Variants in WDR26 observed in about 807,000 individuals in gnomAD.
WDR26 encodes WD repeat-containing protein 26.
In WDR26, 5 loss-of-function variants were observed where a neutral mutation model predicts 84.1. The ratio of observed to expected loss-of-function variants is 0.06; its 90% CI spans 0.03 to 0.13. The LOEUF is 0.13. Ranked by LOEUF, WDR26 falls within the 10% of genes least tolerant of loss-of-function variation. WDR26 has a pLI of 1.00. For missense variants in WDR26, 642 were observed against 974.9 expected (o/e 0.66, Z 4.55); for synonymous variants, 415 against 389.6 (o/e 1.07, Z -0.77).
intron 8 of WDR26, among the ~76,000 whole-genome samples, chr1:224,401,691 A>G (rs201981892): frequency 2.2e-5 from 2 of 90,692 alleles, no homozygotes; most frequent in East Asian, 2.4e-4. Flanking sequence ...AAAAAAAAAG[A>G]AAAAAAAAAA....
chr1:224,433,960 G>A lies in WDR26; in HGVS notation c.446C>T (p.Ser149Phe), dbSNP rs1674504700. ...ATTGGCGTGGGCCAGGTCCCCCGCG[G>A]ACGACGACGACGAGGGGGACGACTC... The change falls in exon 1 of 14, where the codon TCC becomes TTC. Residue 149 changes from serine to phenylalanine, a missense_variant. By Grantham distance (155) the Ser-to-Phe change is radical. Around this residue, in one of 2 missense-constraint regions of WDR26, gnomAD observed 291 missense variants for 302.1 expected, o/e 0.96. Transcript: ENST00000414423. The A allele has an allele frequency of 6.5e-7, 1 of 1,529,650 alleles. No individual in the cohort carries two copies. Among genetic ancestry groups the A allele is most frequent in the Non-Finnish European group, 8.8e-7 (1 of 1,141,896 alleles). The allele number at this position is 1,529,650 out of a possible 1,614,324, so 94.8% of individuals were successfully genotyped here.
chr1:224,408,880 A>C (rs753230314), intron 7 of WDR26, among the ~76,000 whole-genome samples: 1 of 152,092 alleles, frequency 6.6e-6, no homozygotes, highest in African/African-American at 2.4e-5. Flanking sequence ...TAAACCTGAG[A>C]TCTACAAGAA....
Position 224,433,851 on chromosome 1 carries a change from G to A in WDR26, c.555C>T (p.Ala185=). Reference sequence around the variant, plus strand: ...CTGCGACGGTGGCTGAGGATGCGGCGGCCGCCCCGCCGGGAACCCCGTTAT... The same window carrying A: ...CTGCGACGGTGGCTGAGGATGCGGCAGCCGCCCCGCCGGGAACCCCGTTAT... The change falls in exon 1 of 14, where the codon GCC becomes GCT. Residue 185 remains alanine, a synonymous_variant. Transcript: ENST00000414423. 6.5e-7 allele frequency: 1 copy of A among 1,536,818 alleles called. No homozygotes were observed. Among genetic ancestry groups the A allele is most frequent in the Non-Finnish European group, 8.7e-7 (1 of 1,146,772 alleles).
chr1:224,432,388 T>C lies in WDR26; in HGVS notation c.723-607A>G, dbSNP rs1674417863. Among the ~76,000 whole-genome samples the C allele has an allele frequency of 2.6e-5, 4 of 152,188 alleles. No homozygotes were observed. The South Asian group carries it at 8.3e-4, about 31-fold the overall frequency. On this transcript the variant is annotated intron_variant, in intron 1 of 13. Coordinates refer to ENST00000414423, the MANE Select transcript of WDR26 (RefSeq NM_001379403.1). ...CTTCTTGTCTCAGTAATATGTTCTGTTAGCATTTACAAAATCTGTTTTCAT... is the reference window on the plus strand; with the variant it reads ...CTTCTTGTCTCAGTAATATGTTCTGCTAGCATTTACAAAATCTGTTTTCAT...
At chr1:224,401,326 T>C (rs1237672176) in intron 8 of WDR26, among the ~76,000 whole-genome samples, 1 of 152,098 alleles carries the variant, frequency 6.6e-6, no homozygotes, top group African/African-American at 2.4e-5. Context: ...CTTCAATAAA[T>C]CTCTCATCGC....
intron 7 of WDR26, among the ~76,000 whole-genome samples, chr1:224,408,634 T>TTA (rs1673648322): frequency 1.1e-3 from 1 of 914 alleles, no homozygotes. Flanking sequence ...CATCCCATTC[T>TTA]TTTTTTTTTT....
chr1:224,393,683 T>C (rs903979811), intron 13 of WDR26, 145 bp downstream of exon 13: 10 of 601,258 alleles, frequency 1.7e-5, no homozygotes, highest in Admixed American at 1.1e-4. Flanking sequence ...ACTCATTCTG[T>C]GGCCTGAGAT....
At chr1:224,411,660 CA>C (rs1673739536) in intron 6 of WDR26, 95 bp from the exon 7 acceptor site, 1 of 1,307,548 alleles carries the variant, frequency 7.6e-7, no homozygotes, top group East Asian at 2.6e-5. Flanking sequence ...CTTTGAAGAT[CA>C]CATCACTAAC....
chr1:224,424,128 G>A (rs1674145433), intron 4 of WDR26, among the ~76,000 whole-genome samples: 1 of 152,142 alleles, frequency 6.6e-6, no homozygotes, highest in Admixed American at 6.6e-5. Flanking sequence ...CAAGGGCCTG[G>A]CACATGACAA....
At chr1:224,391,267 G>C (rs1303004712) in intron 13 of WDR26, among the ~76,000 whole-genome samples, 1 of 149,388 alleles carries the variant, frequency 6.7e-6, no homozygotes, top group Non-Finnish European at 1.5e-5. Flanking sequence ...TCAGGAGGCT[G>C]AGGCAGAATT....
In WDR26 at chr1:224,419,609, C is replaced by A. The variant is rs1572200890; in HGVS notation, c.1071G>T (p.Leu357=). Residue 357 remains leucine (L), a synonymous_variant, in exon 5 of 14, where the codon CTG becomes CTT. Transcript: ENST00000414423. Reference sequence around the variant, plus strand: ...GTAGGTCTTCTGCATGGCTACACATCAGATACCTAAAAATACAACAGAGAA... The same window carrying A: ...GTAGGTCTTCTGCATGGCTACACATAAGATACCTAAAAATACAACAGAGAA... The A allele has an allele frequency of 2.5e-6, 4 of 1,612,772 alleles. No homozygotes were observed. The highest frequency in any genetic ancestry group is 1.7e-4 in the Middle Eastern group (1 of 6,060).
At chr1:224,398,850 T>C in intron 10 of WDR26, 39 bp downstream of exon 10, 1 of 1,608,024 alleles carries the variant, frequency 6.2e-7, no homozygotes. Context: ...TGAATATAAA[T>C]CAGGTAATTG....
At position 224,412,409 on chromosome 1, in the gene WDR26, A is replaced by G. The variant is rs140918738; in HGVS notation, c.1320-844T>C. Among the ~76,000 whole-genome samples the G allele has an allele frequency of 6.7e-3, 1,013 of 152,262 alleles. 9 individuals are homozygous for G. The highest frequency in any genetic ancestry group is 0.023 in the African/African-American group (951 of 41,548). ...ACCTCTCTAAATCTCAATTTTTCCAACTATCAAACAAAGATTAAGGTATCT... is the reference window on the plus strand; with the variant it reads ...ACCTCTCTAAATCTCAATTTTTCCAGCTATCAAACAAAGATTAAGGTATCT... On this transcript the variant is annotated intron_variant, in intron 6 of 13. Coordinates refer to ENST00000414423, the MANE Select transcript of WDR26 (RefSeq NM_001379403.1).
At chr1:224,420,170 T>A (rs1203323876) in intron 4 of WDR26, among the ~76,000 whole-genome samples, 2 of 152,212 alleles carry the variant, frequency 1.3e-5, no homozygotes, top group Admixed American at 1.3e-4. Flanking sequence ...TGGATAATCA[T>A]CCTTGTGTCA....
chr1:224,427,103 C>CTAA (rs769063024), intron 3 of WDR26, among the ~76,000 whole-genome samples: 1 of 91,158 alleles, frequency 1.1e-5, no homozygotes, highest in East Asian at 3.5e-4. Flanking sequence ...AACTCTGTCT[C>CTAA]CAAAAAAAAA....
chr1:224,431,247 TA>T (rs1253614253), intron 3 of WDR26: 7 of 418,624 alleles, frequency 1.7e-5, no homozygotes, highest in Non-Finnish European at 3.0e-5. Flanking sequence ...GAGCTTTCAA[TA>T]TATTTTTTGT....
chr1:224,398,490 C>T (rs1294232928), intron 11 of WDR26, 25 bp downstream of exon 11: 2 of 1,567,074 alleles, frequency 1.3e-6, no homozygotes, highest in Non-Finnish European at 1.7e-6. Flanking sequence ...CCAAATTTTT[C>T]AGAAAATTAT....
chr1:224,434,633 G>A lies in WDR26; in HGVS notation c.-228C>T. The A allele has an allele frequency of 1.6e-6, 1 of 635,918 alleles. No homozygotes were observed. The highest frequency in any genetic ancestry group is 1.9e-6 in the Non-Finnish European group (1 of 514,418). 39.4% of individuals were successfully genotyped at this position (635,918 alleles called of 1,614,324 possible). On this transcript the variant is annotated 5_prime_UTR_variant, in exon 1 of 14. Coordinates refer to ENST00000414423, the MANE Select transcript of WDR26 (RefSeq NM_001379403.1). ...CCCGGGGGTCGCGCCGGGGGGCGCC[G>A]CGGGGCGGCTGCGGGGGCGCGGGGC...
chr1:224,418,476 G>C, intron 5 of WDR26, 60 bp from the exon 6 acceptor site: 1 of 1,459,736 alleles, frequency 6.9e-7, no homozygotes, highest in South Asian at 1.3e-5. Flanking sequence ...TTTTATTTAA[G>C]ACATTTGCTC....
Sources: gnomAD v4.1 joint callset for allele counts (sites outside exome capture counted in the v4.1 genomes callset) on GRCh38, gnomAD v4.1.1 for gene constraint, gnomAD v4.1.1 regional missense constraint, MANE v1.5 for transcripts, NCBI Gene and HGNC (gene_info 2026-07-23, HGNC 2026-07-21) for gene names.